The following GPR155 variants were observed in gnomAD, a reference collection of about 807,000 sequenced individuals.
The protein encoded by GPR155 is lysosomal cholesterol signaling protein.
In GPR155, 65 loss-of-function variants were observed where a neutral mutation model predicts 93.1. The ratio of observed to expected loss-of-function variants is 0.70; its 90% CI spans 0.57 to 0.86. The LOEUF is 0.86. Among genes scored for constraint, GPR155 ranks in the 40% least tolerant of loss-of-function variants. The probability of loss-of-function intolerance (pLI) is 0.00; values close to 1 mark genes in which losing one functional copy is unlikely to be tolerated. For synonymous variants in GPR155, 319 were observed against 360.1 expected (o/e 0.89, Z 1.29); for missense variants, 838 against 1,034.8 (o/e 0.81, Z 2.61).
At chr2:174,462,800 T>G (rs1687737848) in intron 7 of GPR155, among the ~76,000 whole-genome samples, 1 of 152,248 alleles carries the variant, frequency 6.6e-6, no homozygotes, top group Non-Finnish European at 1.5e-5. Context: ...TCTTGAACTT[T>G]CCTTACAACT....
rs751871389 is a variant in GPR155 at position 174,446,626 on chromosome 2, G to A, written c.1998C>T (p.Ile666=). The part of the protein sequence containing the change: ...TRHVLLCLLL[I]IGLFANLSSC... ...AAACCATTACAGCGAACAGGCCAAT[G>A]ATGAGAAGTAAACACAGCAACACAT... Residue 666 remains isoleucine, a synonymous_variant, in exon 12 of 16, where the codon ATC becomes ATT. Transcript: ENST00000392552. 22 of 1,613,456 alleles carry A rather than the reference G, an allele frequency of 1.4e-5. No individual in the cohort carries two copies. Among genetic ancestry groups the A allele is most frequent in the Non-Finnish European group, 1.7e-5 (20 of 1,179,876 alleles).
Position 174,481,773 on chromosome 2 carries a change from C to G in GPR155, c.184G>C (p.Ala62Pro). The G allele has an allele frequency of 1.9e-6, 3 of 1,614,166 alleles. No homozygotes were observed. The highest frequency in any genetic ancestry group is 1.7e-6 in the Non-Finnish European group (2 of 1,180,030). ...GCCTGGGTTGATGTTATGACATTGGCCCTTCCTGCTATGTAGCCACAAAGG... is the reference window on the plus strand; with the variant it reads ...GCCTGGGTTGATGTTATGACATTGGGCCTTCCTGCTATGTAGCCACAAAGG... ...IVLCGYIAGR[A>P]NVITSTQAKG... Residue 62 changes from alanine (A) to proline (P), a missense_variant, in exon 2 of 16, where the codon GCC becomes CCC. Transcript: ENST00000392552.
In GPR155 at chr2:174,442,282, A is replaced by C. The variant is rs557923094; in HGVS notation, c.2110-99T>G. ...ACCAAATTTAGTGTTTGAGGAGACA[A>C]ACCTATAGTGACAAGAGCAACATTT... On this transcript the variant is annotated intron_variant, in intron 13 of 15. Coordinates refer to ENST00000392552, the MANE Select transcript of GPR155 (RefSeq NM_152529.7). 58 of 692,834 alleles carry C rather than the reference A, an allele frequency of 8.4e-5. No homozygotes were observed. In the East Asian group the frequency reaches 1.5e-3, roughly 18 times the overall value. 42.9% of individuals were successfully genotyped at this position (692,834 alleles called of 1,614,324 possible).
At position 174,434,409 on chromosome 2, in the gene GPR155, T is replaced by C. The variant is rs1686715815; in HGVS notation, c.*1707A>G. 2 of 152,118 alleles carry C rather than the reference T, an allele frequency of 1.3e-5. No individual in the cohort carries two copies. Among genetic ancestry groups the C allele is most frequent in the South Asian group, 2.1e-4 (1 of 4,830 alleles). The allele number at this position is 152,118 out of a possible 1,614,324, so 9.4% of individuals were successfully genotyped here. On this transcript the variant is annotated 3_prime_UTR_variant, in exon 16 of 16. Transcript: ENST00000392552. ...GATACATCATATGGCAATAATTTTG[T>C]TGATAAAATTCAAATTAATCTACTC...
chr2:174,443,583 G>T (rs1249938149), intron 13 of GPR155, among the ~76,000 whole-genome samples: 1 of 152,170 alleles, frequency 6.6e-6, no homozygotes. Flanking sequence ...ACAAAAATTA[G>T]CTGGGCATGG....
At position 174,466,574 on chromosome 2, in the gene GPR155, A is replaced by G; in HGVS notation, c.1236T>C (p.His412=). ...LLSKKYKQLP[H]MLTTNLLIAQ... Reference sequence around the variant, plus strand: ...CAATGAGTAAATTAGTTGTAAGCATATGAGGAAGCTGTTTATATTTCTTAC... The same window carrying G: ...CAATGAGTAAATTAGTTGTAAGCATGTGAGGAAGCTGTTTATATTTCTTAC... The change falls in exon 6 of 16, where the codon CAT becomes CAC. Residue 412 remains histidine, a synonymous_variant. Coordinates refer to ENST00000392552, the MANE Select transcript of GPR155 (RefSeq NM_152529.7). 1 of 1,585,864 alleles carries G rather than the reference A, an allele frequency of 6.3e-7. No homozygotes were observed. Among genetic ancestry groups the G allele is most frequent in the Non-Finnish European group, 8.6e-7 (1 of 1,157,608 alleles).
chr2:174,485,560 G>A (rs1345998126), intron 1 of GPR155, among the ~76,000 whole-genome samples: 1 of 148,048 alleles, frequency 6.8e-6, no homozygotes, highest in Non-Finnish European at 1.5e-5. Context: ...TCCTGCCATT[G>A]CCCTCCAGCC....
intron 5 of GPR155, 108 bp downstream of exon 5, chr2:174,468,804 G>T: frequency 1.0e-6 from 1 of 966,934 alleles, no homozygotes; most frequent in Non-Finnish European, 1.6e-6. Context: ...GCAGGCTTTA[G>T]CTTTCTTTAT....
chr2:174,446,893 C>T, intron 11 of GPR155, 146 bp from the exon 12 acceptor site: 1 of 726,256 alleles, frequency 1.4e-6, no homozygotes, highest in South Asian at 1.7e-5. Flanking sequence ...TGGAAGAAAG[C>T]TCCTTCATGT....
rs557725009 is a variant in GPR155, at chr2:174,436,659, C to G, written c.2313-243G>C. Among the ~76,000 whole-genome samples the G allele has an allele frequency of 2.0e-5, 3 of 152,072 alleles. No individual in the cohort carries two copies. In the East Asian group the frequency reaches 5.8e-4, roughly 29 times the overall value. On this transcript the variant is annotated intron_variant, in intron 15 of 15. Transcript: ENST00000392552. ...TGAAAACAGAAATGCTTAAACAATA[C>G]CAAAAAAAGTCATAGATAATGTAAA...
At chr2:174,447,395 ATTT>A (rs1309544847) in intron 11 of GPR155, among the ~76,000 whole-genome samples, 1 of 146,574 alleles carries the variant, frequency 6.8e-6, no homozygotes. Context: ...ATTATATATA[ATTT>A]TTATTTTATA....
rs543673876 is a variant in GPR155 at position 174,484,828 on chromosome 2, G to A, written c.-32+2045C>T. Reference sequence around the variant, plus strand: ...TGTCCCAGCTACCTGGGAGGCTGAGGTGGGAGGATCACCTGAGCCTAGGAG... The same window carrying A: ...TGTCCCAGCTACCTGGGAGGCTGAGATGGGAGGATCACCTGAGCCTAGGAG... On this transcript the variant is annotated intron_variant, in intron 1 of 15. Coordinates refer to ENST00000392552, the MANE Select transcript of GPR155 (RefSeq NM_152529.7). 3.3e-5 allele frequency among the ~76,000 whole-genome samples: 5 copies of A among 152,318 alleles called. No individual in the cohort carries two copies. The East Asian group carries it at 7.7e-4, about 24-fold the overall frequency.
At chr2:174,466,206 A>G (rs1458418559) in intron 6 of GPR155, among the ~76,000 whole-genome samples, 1 of 152,192 alleles carries the variant, frequency 6.6e-6, no homozygotes, top group Admixed American at 6.5e-5. Flanking sequence ...GGCTTACATT[A>G]AAATTGCTAA....
Position 174,435,923 on chromosome 2 carries a change from C to G in GPR155, c.*193G>C. On this transcript the variant is annotated 3_prime_UTR_variant, in exon 16 of 16. Transcript: ENST00000392552. ...TTTTCTCTTTTTCCTAAGTCAGCTT[C>G]CTATGTGTTTTACATACATGTAAAA... The G allele has an allele frequency of 5.4e-6, 3 of 552,026 alleles. No homozygotes were observed. The highest frequency in any genetic ancestry group is 9.7e-6 in the Non-Finnish European group (3 of 310,086). 34.2% of individuals were successfully genotyped at this position (552,026 alleles called of 1,614,324 possible). A position where few individuals can be genotyped will look rare whatever the true frequency, so the allele number is the denominator to read the frequency against.
chr2:174,468,450 G>A (rs904451025), intron 5 of GPR155, among the ~76,000 whole-genome samples: 4 of 151,986 alleles, frequency 2.6e-5, no homozygotes, highest in Non-Finnish European at 5.9e-5. Context: ...TTAAATAGGC[G>A]GTTGGACTTG....
At chr2:174,467,530 T>C (rs1687874988) in intron 5 of GPR155, among the ~76,000 whole-genome samples, 2 of 152,232 alleles carry the variant, frequency 1.3e-5, no homozygotes, top group Admixed American at 6.5e-5. Flanking sequence ...GTTCTAACTA[T>C]GCCTACCTTC....
In GPR155 at chr2:174,460,088, T is replaced by C; in HGVS notation, c.1561A>G (p.Met521Val). 1 of 1,607,436 alleles carries C rather than the reference T, an allele frequency of 6.2e-7. No individual in the cohort carries two copies. The highest frequency in any genetic ancestry group is 8.5e-7 in the Non-Finnish European group (1 of 1,176,900). The change falls in exon 10 of 16, where the codon ATG becomes GTG. Residue 521 changes from methionine (M) to valine (V), a missense_variant and splice_region_variant. Transcript: ENST00000392552. Reference sequence around the variant, plus strand: ...AACAGGGTGACTGCTGTGGTGATCATCTGCCGACATGAAAAAAAGATATCA... The same window carrying C: ...AACAGGGTGACTGCTGTGGTGATCACCTGCCGACATGAAAAAAAGATATCA... Reference protein sequence around the residue: ...DSAFFYGKEQMITTAVTLFCS... With the variant: ...DSAFFYGKEQVITTAVTLFCS...
chr2:174,452,236 T>C (rs1185116113), intron 11 of GPR155, among the ~76,000 whole-genome samples: 1 of 152,228 alleles, frequency 6.6e-6, no homozygotes, highest in Non-Finnish European at 1.5e-5. Flanking sequence ...ATATCTGATA[T>C]GTTTTCACTA....
In GPR155 at chr2:174,459,936, C is replaced by T. The variant is rs1455211271; in HGVS notation, c.1713G>A (p.Glu571=). 4 of 1,613,946 alleles carry T rather than the reference C, an allele frequency of 2.5e-6. No homozygotes were observed. The African/African-American group carries it at 5.3e-5, about 22-fold the overall frequency. Residue 571 remains glutamate, a synonymous_variant, in exon 10 of 16, where the codon GAG becomes GAA. Coordinates refer to ENST00000392552, the MANE Select transcript of GPR155 (RefSeq NM_152529.7). ...KVVEPGNTAF[E]ESPAPVNEPE... ...GTTCATTTACTGGTGCTGGACTCTC[C>T]TCAAAAGCAGTATTTCCAGGCTCCA...
Sources: gnomAD v4.1 joint callset for allele counts (sites outside exome capture counted in the v4.1 genomes callset) on GRCh38, gnomAD v4.1.1 for gene constraint, MANE v1.5 for transcripts, NCBI Gene and HGNC (gene_info 2026-07-23, HGNC 2026-07-21) for gene names.